Variants in WDR7 observed in about 807,000 individuals in gnomAD.
The protein encoded by WDR7 is WD repeat-containing protein 7.
A neutral mutation model predicts 169.4 loss-of-function variants in WDR7; 46 were observed. The observed-to-expected ratio is 0.27, with a 90% CI of 0.21 to 0.35. The LOEUF (loss-of-function observed/expected upper bound fraction) is 0.35. Ranked by LOEUF, WDR7 falls within the 10% of genes least tolerant of loss-of-function variation. The pLI, the probability that WDR7 is intolerant of heterozygous loss-of-function variation, is 1.00. For synonymous variants in WDR7, 612 were observed against 666.8 expected (o/e 0.92, Z 1.27); for missense variants, 1,534 against 1,859.3 (o/e 0.83, Z 3.22).
At chr18:56,707,198 G>T (rs1408071847) in intron 12 of WDR7, among the ~76,000 whole-genome samples, 1 of 152,090 alleles carries the variant, frequency 6.6e-6, no homozygotes, top group Admixed American at 6.5e-5. Flanking sequence ...GGCCAGGATG[G>T]TCTCAAACTC....
chr18:56,819,791 T>C (rs1366426181), intron 20 of WDR7, among the ~76,000 whole-genome samples: 2 of 152,112 alleles, frequency 1.3e-5, no homozygotes, highest in Non-Finnish European at 2.9e-5. Context: ...AACAAAACAA[T>C]AGTGTTGATT....
chr18:57,004,949 A>C (rs1195037997), intron 26 of WDR7, among the ~76,000 whole-genome samples: 1 of 152,160 alleles, frequency 6.6e-6, no homozygotes, highest in African/African-American at 2.4e-5. Context: ...TCGTACTCAC[A>C]CCTTGAGTTG....
intron 22 of WDR7, among the ~76,000 whole-genome samples, chr18:56,931,455 G>A (rs888262094): frequency 5.9e-5 from 9 of 152,188 alleles, no homozygotes; most frequent in African/African-American, 1.9e-4. Flanking sequence ...CAGTCCAATA[G>A]CTAGCTTAAA....
intron 20 of WDR7, among the ~76,000 whole-genome samples, chr18:56,845,748 C>T (rs2045556704): frequency 6.6e-6 from 1 of 152,146 alleles, no homozygotes; most frequent in South Asian, 2.1e-4. Flanking sequence ...CATGTGTCTT[C>T]ATGTATTTAT....
chr18:57,027,037 C>G lies in WDR7; in HGVS notation c.4303C>G (p.Leu1435Val). 1 of 1,614,116 alleles carries G rather than the reference C, an allele frequency of 6.2e-7. No individual in the cohort carries two copies. The highest frequency in any genetic ancestry group is 8.5e-7 in the Non-Finnish European group (1 of 1,180,040). Residue 1435 changes from leucine to valine, a missense_variant, in exon 28 of 28, where the codon CTG (leucine) becomes GTG (valine). Transcript: ENST00000254442. ...NTSLLGSIGM[L>V]NSAPQLRCIK... ...GTCACTGCTGGGAAGCATCGGCATG[C>G]TGAACTCGGCACCTCAGCTGCGCTG...
At chr18:56,906,633 T>A (rs1230086803) in intron 21 of WDR7, among the ~76,000 whole-genome samples, 1 of 150,604 alleles carries the variant, frequency 6.6e-6, no homozygotes, top group Non-Finnish European at 1.5e-5. Flanking sequence ...AACCTCCACC[T>A]GCCAGCTTCA....
intron 20 of WDR7, among the ~76,000 whole-genome samples, chr18:56,855,234 GT>G (rs57565346): frequency 0.013 from 1,934 of 150,690 alleles, 20 homozygotes; most frequent in Non-Finnish European, 0.015. Context: ...TCTTTTGCCT[GT>G]TTTTTTTTCC....
In WDR7 at chr18:56,688,405, T is replaced by A. The variant is rs117065726; in HGVS notation, c.717+1431T>A. Among the ~76,000 whole-genome samples, 467 of 152,096 alleles carry A rather than the reference T, an allele frequency of 3.1e-3. 19 individuals are homozygous for A. In the East Asian group the frequency reaches 0.077, roughly 25 times the overall value. On this transcript the variant is annotated intron_variant, in intron 7 of 27. Coordinates refer to ENST00000254442, the MANE Select transcript of WDR7 (RefSeq NM_015285.3). ...GGGTTTCTTCCTTTGTGTTAAAATT[T>A]AAAACAGATGCAAATAGTAATAAAA...
rs1448628368 is a variant in WDR7, at chr18:57,028,686, A to G, written c.*1479A>G. The G allele has an allele frequency of 6.6e-6, 1 of 152,390 alleles. No individual in the cohort carries two copies. Among genetic ancestry groups the G allele is most frequent in the Non-Finnish European group, 1.5e-5 (1 of 68,036 alleles). 9.4% of individuals were successfully genotyped at this position (152,390 alleles called of 1,614,324 possible). A position where few individuals can be genotyped will look rare whatever the true frequency, so the allele number is the denominator to read the frequency against. On this transcript the variant is annotated 3_prime_UTR_variant, in exon 28 of 28. Transcript: ENST00000254442. ...ATACAAAAAAGTAGGATCAAAGTCT[A>G]GGAACAAACATTGGTTATTTCACTG...
intron 26 of WDR7, among the ~76,000 whole-genome samples, chr18:57,019,455 C>T (rs1473269479): frequency 6.6e-6 from 1 of 152,058 alleles, no homozygotes; most frequent in African/African-American, 2.4e-5. Context: ...ACATGCAAAC[C>T]CAGGAAGTCC....
At chr18:56,937,073 C>A (rs2046970393) in intron 23 of WDR7, among the ~76,000 whole-genome samples, 1 of 152,024 alleles carries the variant, frequency 6.6e-6, no homozygotes, top group African/African-American at 2.4e-5. Flanking sequence ...TCTGACAGGT[C>A]CTTGTATTAA....
At position 56,957,490 on chromosome 18, in the gene WDR7, A is replaced by T. The variant is rs1030620215; in HGVS notation, c.4065-4940A>T. ...ATGGGAAAAAAAAAAAAAAAGGTAG[A>T]AAAAGCTCTCTTAAGATCCAGATCC... is the stretch of plus-strand genomic sequence containing the variant. On this transcript the variant is annotated intron_variant, in intron 25 of 27. Transcript: ENST00000254442. 7.2e-5 allele frequency: 11 copies of T among 152,118 alleles called. 1 individual carries two copies. Among genetic ancestry groups the T allele is most frequent in the Middle Eastern group, 6.8e-3 (2 of 292 alleles). 9.4% of individuals were successfully genotyped at this position (152,118 alleles called of 1,614,324 possible).
intron 1 of WDR7, among the ~76,000 whole-genome samples, chr18:56,666,201 CTTTT>C (rs71169386): frequency 2.0e-5 from 2 of 100,978 alleles, no homozygotes; most frequent in African/African-American, 3.7e-5. Flanking sequence ...ATTCCTTCGT[CTTTT>C]TTTTTTTTTT....
At chr18:56,877,824 C>T (rs151279310) in intron 20 of WDR7, among the ~76,000 whole-genome samples, 26 of 152,058 alleles carry the variant, frequency 1.7e-4, no homozygotes, top group African/African-American at 6.3e-4. Flanking sequence ...ACCTTTAGGG[C>T]AGGAGGGCAA....
intron 20 of WDR7, among the ~76,000 whole-genome samples, chr18:56,860,712 T>TA (rs1448045190): frequency 6.6e-6 from 1 of 152,220 alleles, no homozygotes; most frequent in Non-Finnish European, 1.5e-5. Flanking sequence ...AAAAATGTCT[T>TA]TATTAAAATG....
intron 20 of WDR7, among the ~76,000 whole-genome samples, chr18:56,848,635 C>A (rs533696641): frequency 6.6e-6 from 1 of 152,130 alleles, no homozygotes; most frequent in Non-Finnish European, 1.5e-5. Flanking sequence ...GGGGGTGGAT[C>A]CCTCATGAAT....
At chr18:56,815,685 A>T (rs2044954677) in intron 19 of WDR7, among the ~76,000 whole-genome samples, 1 of 152,194 alleles carries the variant, frequency 6.6e-6, no homozygotes, top group Non-Finnish European at 1.5e-5. Context: ...AACAATCCAC[A>T]CTTTCCTCTT....
chr18:56,986,128 T>TTGTGTGTGTGTGTG (rs60449836), intron 26 of WDR7, among the ~76,000 whole-genome samples: 2 of 136,258 alleles, frequency 1.5e-5, no homozygotes, highest in African/African-American at 2.7e-5. Flanking sequence ...TTCAGCTTCT[T>TTGTGTGTGTGTGTG]TGTGTGTGTG....
Position 56,757,257 on chromosome 18 carries a change from A to C in WDR7, c.2664A>C (p.Thr888=). 6.2e-7 allele frequency: 1 copy of C among 1,614,196 alleles called. No homozygotes were observed. Among genetic ancestry groups the C allele is most frequent in the Non-Finnish European group, 8.5e-7 (1 of 1,180,032 alleles). The stretch of plus-strand genomic sequence containing the variant: ...ACGGAGTGTCCCGTGCCGTCACCAC[A>C]CAGCATCTCCTGTCTATCATTTCTT... ...GTYGVSRAVT[T]QHLLSIISLA... The change falls in exon 15 of 28, where the codon ACA becomes ACC. Residue 888 remains threonine (T), a synonymous_variant. Transcript: ENST00000254442.
Sources: allele counts gnomAD v4.1 joint callset (sites outside exome capture counted in the v4.1 genomes callset), GRCh38; gene constraint gnomAD v4.1.1; transcripts MANE v1.5; gene names NCBI Gene and HGNC (gene_info 2026-07-23, HGNC 2026-07-21).